The following VRK2 variants were observed in gnomAD, a reference collection of about 807,000 sequenced individuals.
VRK2 encodes the protein VRK serine/threonine kinase 2, also known as serine/threonine-protein kinase VRK2.
In VRK2, 60 loss-of-function variants were observed where a neutral mutation model predicts 57.6. The observed-to-expected ratio is 1.04, with a 90% CI of 0.85 to 1.29. The LOEUF is 1.29. Among genes scored for constraint, VRK2 ranks in the 50% most tolerant of loss-of-function variants. The pLI is 0.00. For missense variants in VRK2, 705 were observed against 588.1 expected (o/e 1.20, Z -2.06); for synonymous variants, 231 against 199.2 (o/e 1.16, Z -1.35).
At chr2:58,056,769 G>A (rs774923535) in intron 2 of VRK2, among the ~76,000 whole-genome samples, 18 of 152,116 alleles carry the variant, frequency 1.2e-4, no homozygotes, top group South Asian at 2.1e-4. Flanking sequence ...ATTGTACTTG[G>A]TAATAGTGTG....
At chr2:57,912,858 G>A (rs1041703224) in intron 1 of VRK2, among the ~76,000 whole-genome samples, 1 of 152,054 alleles carries the variant, frequency 6.6e-6, no homozygotes, top group Non-Finnish European at 1.5e-5. Context: ...CTAATGTGAC[G>A]GTATTAGAAG....
At chr2:57,983,132 G>A (rs980126409) in intron 1 of VRK2, among the ~76,000 whole-genome samples, 5 of 151,954 alleles carry the variant, frequency 3.3e-5, no homozygotes, top group African/African-American at 9.7e-5. Context: ...CACTCTCAAC[G>A]CCTTCTTTCC....
At chr2:58,097,009 A>G (rs1017155556) in intron 7 of VRK2, among the ~76,000 whole-genome samples, 34 of 152,180 alleles carry the variant, frequency 2.2e-4, no homozygotes, top group African/African-American at 8.2e-4. Context: ...ACTTATCACA[A>G]TATTATTATG....
At chr2:58,156,748 GTTCA>G (rs1683940647) in intron 12 of VRK2, among the ~76,000 whole-genome samples, 1 of 152,088 alleles carries the variant, frequency 6.6e-6, no homozygotes, top group East Asian at 1.9e-4. Context: ...CCCCATATCT[GTTCA>G]TTAATTATGT....
At chr2:58,103,788 A>G (rs1167762544) in intron 7 of VRK2, among the ~76,000 whole-genome samples, 2 of 151,658 alleles carry the variant, frequency 1.3e-5, no homozygotes, top group Non-Finnish European at 3.0e-5. Flanking sequence ...AACAAGGACA[A>G]AACAAAAAAG....
intron 1 of VRK2, among the ~76,000 whole-genome samples, chr2:57,989,624 A>T (rs1424591826): frequency 6.6e-6 from 1 of 152,216 alleles, no homozygotes; most frequent in South Asian, 2.1e-4. Context: ...ATAAAGTGCC[A>T]CTGATATAAT....
intron 1 of VRK2, among the ~76,000 whole-genome samples, chr2:57,983,022 G>A (rs1347403235): frequency 6.6e-6 from 1 of 152,128 alleles, no homozygotes; most frequent in Non-Finnish European, 1.5e-5. Flanking sequence ...CCTTCCCTAG[G>A]AGCTGCTCAG....
chr2:57,971,463 T>C (rs1179440473), intron 1 of VRK2, among the ~76,000 whole-genome samples: 1 of 151,928 alleles, frequency 6.6e-6, no homozygotes, highest in African/African-American at 2.4e-5. Flanking sequence ...AAATTCAGCT[T>C]CCAGACACCA....
intron 1 of VRK2, among the ~76,000 whole-genome samples, chr2:58,004,442 C>T (rs895441793): frequency 6.6e-6 from 1 of 152,150 alleles, no homozygotes; most frequent in Non-Finnish European, 1.5e-5. Context: ...TGGCAATTGA[C>T]TGTTTTCTAA....
chr2:58,134,029 A>C (rs560281654), intron 9 of VRK2, among the ~76,000 whole-genome samples: 1 of 152,270 alleles, frequency 6.6e-6, no homozygotes, highest in Admixed American at 6.5e-5. Flanking sequence ...ATGCTTTGGC[A>C]TGCTGAGACC....
At chr2:57,989,145 G>T (rs1239219995) in intron 1 of VRK2, among the ~76,000 whole-genome samples, 1 of 152,140 alleles carries the variant, frequency 6.6e-6, no homozygotes, top group East Asian at 1.9e-4. Flanking sequence ...AAGGGTCTGA[G>T]ACCCCCATGA....
chr2:58,019,716 G>C (rs1673692094), intron 1 of VRK2, among the ~76,000 whole-genome samples: 2 of 152,156 alleles, frequency 1.3e-5, no homozygotes, highest in African/African-American at 2.4e-5. Flanking sequence ...GATGACCAGA[G>C]CATCTAACTA....
intron 2 of VRK2, among the ~76,000 whole-genome samples, chr2:58,052,750 A>G (rs561677777): frequency 6.6e-6 from 1 of 152,340 alleles, no homozygotes; most frequent in Admixed American, 6.5e-5. Flanking sequence ...GAATGTCAGC[A>G]TAAGACTTTA....
chr2:58,118,590 G>A (rs1676896791), intron 7 of VRK2, among the ~76,000 whole-genome samples: 1 of 152,232 alleles, frequency 6.6e-6, no homozygotes, highest in Non-Finnish European at 1.5e-5. Context: ...GGGCTGGTCA[G>A]TCTGAGGACC....
At chr2:58,090,140 A>C (rs1017682877) in intron 7 of VRK2, among the ~76,000 whole-genome samples, 4 of 152,160 alleles carry the variant, frequency 2.6e-5, no homozygotes, top group Non-Finnish European at 5.9e-5. Flanking sequence ...TCATGCCTGT[A>C]ATCCCAGCAC....
intron 7 of VRK2, among the ~76,000 whole-genome samples, chr2:58,109,298 A>G (rs544029121): frequency 6.6e-6 from 1 of 152,318 alleles, no homozygotes; most frequent in Admixed American, 6.5e-5. Context: ...TTAACTGTGG[A>G]GCCAAAGCAT....
intron 1 of VRK2, among the ~76,000 whole-genome samples, chr2:57,914,006 C>G (rs533724445): frequency 6.6e-6 from 1 of 151,906 alleles, no homozygotes; most frequent in Admixed American, 6.6e-5. Context: ...AAGTCAAACA[C>G]AAAATTGCTT....
chr2:58,110,759 A>T (rs564424089), intron 7 of VRK2, among the ~76,000 whole-genome samples: 144 of 152,266 alleles, frequency 9.5e-4, no homozygotes, highest in Non-Finnish European at 1.5e-3. Context: ...TGTGAAAGGA[A>T]AGGGAACCAG....
At chr2:58,113,984 G>A (rs889709330) in intron 7 of VRK2, among the ~76,000 whole-genome samples, 3 of 152,150 alleles carry the variant, frequency 2.0e-5, no homozygotes, top group African/African-American at 7.2e-5. Context: ...TGCTTCAACA[G>A]GATTAGGGGC....
Sources: gnomAD v4.1 joint callset for allele counts (sites outside exome capture counted in the v4.1 genomes callset) on GRCh38, gnomAD v4.1.1 for gene constraint, MANE v1.5 for transcripts, NCBI Gene and HGNC (gene_info 2026-07-23, HGNC 2026-07-21) for gene names.